ABLIM2: variants seen among roughly 807,000 people sequenced by gnomAD.
ABLIM2 encodes actin binding LIM protein family member 2, also known as actin-binding LIM protein 2.
Under a neutral mutation model 97.7 loss-of-function variants are expected in ABLIM2, and 53 were observed. The observed-to-expected ratio is 0.54, with a 90% CI of 0.44 to 0.68. The LOEUF is 0.68. Among genes scored for constraint, ABLIM2 ranks in the 30% least tolerant of loss-of-function variants. The pLI is 0.00. For synonymous variants in ABLIM2, 361 were observed against 345.8 expected, an observed-to-expected ratio of 1.04 and a Z score of -0.49; for missense variants, 835 against 867.2, an observed-to-expected ratio of 0.96 and a Z score of 0.47.
intron 16 of ABLIM2, among the ~76,000 whole-genome samples, chr4:8,006,024 T>C (rs574345377): frequency 1.3e-5 from 2 of 152,324 alleles, no homozygotes; most frequent in Non-Finnish European, 2.9e-5. Flanking sequence ...GGGGTGGGGC[T>C]GGCACACATG....
chr4:8,126,928 C>A (rs1332923479), intron 1 of ABLIM2, among the ~76,000 whole-genome samples: 1 of 152,040 alleles, frequency 6.6e-6, no homozygotes, highest in Non-Finnish European at 1.5e-5. Context: ...TTAGCCAGGT[C>A]TGGTGGCGTG....
rs1726703558 is a variant in ABLIM2 at position 7,970,238 on chromosome 4, AG to A, written c.1825-3136del. The stretch of plus-strand genomic sequence containing the variant: ...TAAAGGAGGGGAGGCTGACACCGGA[AG>A]GGCGAGGAGAGTTCAGTGCTGGTGC... On this transcript the variant is annotated intron_variant, in intron 20 of 20. Coordinates refer to ENST00000447017, the MANE Select transcript of ABLIM2 (RefSeq NM_001130083.2). The surrounding 1 kb of genome is among the most constrained non-coding windows in gnomAD (Gnocchi z 5.3). 6.6e-6 allele frequency among the ~76,000 whole-genome samples: 1 copy of A among 152,082 alleles called. No homozygotes were observed. The highest frequency in any genetic ancestry group is 6.6e-5 in the Admixed American group (1 of 15,260).
rs927463816 is a variant in ABLIM2, at chr4:7,970,508, C to T, written c.1825-3405G>A. On this transcript the variant is annotated intron_variant, in intron 20 of 20. Transcript: ENST00000447017. The surrounding 1 kb of genome is among the most constrained non-coding windows in gnomAD (Gnocchi z 5.3). Reference sequence around the variant, plus strand: ...GAGCGGATGGTGGGCAGGCGTGCCCCGCATGCTGGGGAAGGAGAGAAGGGC... The same window carrying T: ...GAGCGGATGGTGGGCAGGCGTGCCCTGCATGCTGGGGAAGGAGAGAAGGGC... Among the ~76,000 whole-genome samples, 6 of 151,692 alleles carry T rather than the reference C, an allele frequency of 4.0e-5. No homozygotes were observed. The highest frequency in any genetic ancestry group is 7.4e-5 in the Non-Finnish European group (5 of 67,846).
At chr4:8,086,217 A>T (rs1823491311) in intron 4 of ABLIM2, among the ~76,000 whole-genome samples, 1 of 150,908 alleles carries the variant, frequency 6.6e-6, no homozygotes, top group Non-Finnish European at 1.5e-5. Context: ...TGCAAATTTG[A>T]TATTTCAAAA....
At chr4:8,133,890 C>G (rs1364145128) in intron 1 of ABLIM2, among the ~76,000 whole-genome samples, 1 of 152,182 alleles carries the variant, frequency 6.6e-6, no homozygotes, top group East Asian at 1.9e-4. Flanking sequence ...GCCACTAACA[C>G]CAGTGCATTC....
chr4:8,152,303 C>T (rs1181213053), intron 1 of ABLIM2, among the ~76,000 whole-genome samples: 1 of 152,194 alleles, frequency 6.6e-6, no homozygotes, highest in Non-Finnish European at 1.5e-5. Context: ...CACTGGGGTT[C>T]AAATCCCAGC....
At chr4:8,074,567 T>C (rs1022873203) in intron 6 of ABLIM2, among the ~76,000 whole-genome samples, 7 of 152,238 alleles carry the variant, frequency 4.6e-5, no homozygotes, top group African/African-American at 1.2e-4. Context: ...ATAATCTTTC[T>C]AGAAAGCAAT....
chr4:8,135,126 G>A (rs917438892), intron 1 of ABLIM2, among the ~76,000 whole-genome samples: 4 of 152,156 alleles, frequency 2.6e-5, no homozygotes, highest in Non-Finnish European at 2.9e-5. Context: ...AAGTGTGTCC[G>A]TGGCACAAAA....
intron 3 of ABLIM2, among the ~76,000 whole-genome samples, chr4:8,090,686 C>T (rs1308039295): frequency 2.0e-5 from 3 of 152,138 alleles, no homozygotes; most frequent in Non-Finnish European, 4.4e-5. Context: ...TTGTCACTGT[C>T]ACCGTGCATT....
In ABLIM2 at chr4:8,122,148, C is replaced by A. The variant is rs2152879195; in HGVS notation, c.11-15511G>T. On this transcript the variant is annotated intron_variant, in intron 1 of 20. Coordinates refer to ENST00000447017, the MANE Select transcript of ABLIM2 (RefSeq NM_001130083.2). This position sits in a 1 kb window ranked among gnomAD's most constrained non-coding sequence, Gnocchi z 4.1. ...ACACCTCAGCTGCAACCCACTCCTC[C>A]CCAGGCCTTTGAAGATGGGGCCACA... is the stretch of plus-strand genomic sequence containing the variant. Among the ~76,000 whole-genome samples, 1 of 152,326 alleles carries A rather than the reference C, an allele frequency of 6.6e-6. No homozygotes were observed. Among genetic ancestry groups the A allele is most frequent in the Admixed American group, 6.5e-5 (1 of 15,296 alleles).
Position 8,068,930 on chromosome 4 carries a change from CT to C in ABLIM2, c.676-7877del, listed in dbSNP as rs1273912856. Among the ~76,000 whole-genome samples, 6 of 152,270 alleles carry C rather than the reference CT, an allele frequency of 3.9e-5. No individual in the cohort carries two copies. Among genetic ancestry groups the C allele is most frequent in the Non-Finnish European group, 2.9e-5 (2 of 68,044 alleles). ...TGAAAGCTGTGAGCAGGGGATCCCC[CT>C]GGGGGTGTTTGGCGGCCAGGACAGA... On this transcript the variant is annotated intron_variant, in intron 6 of 20. Coordinates refer to ENST00000447017, the MANE Select transcript of ABLIM2 (RefSeq NM_001130083.2). The surrounding 1 kb of genome is among the most constrained non-coding windows in gnomAD (Gnocchi z 4.5).
At chr4:8,109,098 G>A (rs915806534) in intron 1 of ABLIM2, among the ~76,000 whole-genome samples, 4 of 152,230 alleles carry the variant, frequency 2.6e-5, no homozygotes, top group South Asian at 2.1e-4. Context: ...AAGGGAGGCC[G>A]CGGCACTGGC....
chr4:8,071,693 A>ACCCC lies in ABLIM2; in HGVS notation c.675+5934_675+5935insGGGG. Reference sequence around the variant, plus strand: ...ACACCTGACTGCTCTGTCCCCAAAAACCCACCCACCCGCAGCCCCTCCTGG... The same window carrying ACCCC: ...ACACCTGACTGCTCTGTCCCCAAAAACCCCCCCACCCACCCGCAGCCCCTCCTGG... On this transcript the variant is annotated intron_variant, in intron 6 of 20. Coordinates refer to ENST00000447017, the MANE Select transcript of ABLIM2 (RefSeq NM_001130083.2). This position sits in a 1 kb window ranked among gnomAD's most constrained non-coding sequence, Gnocchi z 6.2. 1.2e-6 allele frequency: 1 copy of ACCCC among 819,832 alleles called. No homozygotes were observed. The highest frequency in any genetic ancestry group is 1.5e-6 in the Non-Finnish European group (1 of 679,294). 50.8% of individuals were successfully genotyped at this position (819,832 alleles called of 1,614,324 possible).
At chr4:8,129,062 C>T (rs1219248456) in intron 1 of ABLIM2, among the ~76,000 whole-genome samples, 1 of 152,060 alleles carries the variant, frequency 6.6e-6, no homozygotes, top group Non-Finnish European at 1.5e-5. Context: ...GCCAGCACCC[C>T]CATAGGTTGT....
intron 1 of ABLIM2, among the ~76,000 whole-genome samples, chr4:8,143,419 C>T (rs1254896083): frequency 1.3e-5 from 2 of 152,174 alleles, no homozygotes; most frequent in South Asian, 2.1e-4. Context: ...ACTGTGGAGC[C>T]CTGCACCCTG....
In ABLIM2 at chr4:8,044,088, T is replaced by C. The variant is rs1790541553; in HGVS notation, c.900+1076A>G. Among the ~76,000 whole-genome samples the C allele has an allele frequency of 6.6e-6, 1 of 152,162 alleles. No homozygotes were observed. The highest frequency in any genetic ancestry group is 1.5e-5 in the Non-Finnish European group (1 of 68,012). ...GATTAAGGTCAGGAAGGACCCTGTG[T>C]CCAACCACTATGAGAGAGGAGGGTC... On this transcript the variant is annotated intron_variant, in intron 9 of 20. Transcript: ENST00000447017. The surrounding 1 kb of genome is among the most constrained non-coding windows in gnomAD (Gnocchi z 4.4).
At position 8,127,008 on chromosome 4, in the gene ABLIM2, G is replaced by A. The variant is rs917559294; in HGVS notation, c.11-20371C>T. 6.6e-6 allele frequency among the ~76,000 whole-genome samples: 1 copy of A among 151,308 alleles called. No homozygotes were observed. The highest frequency in any genetic ancestry group is 6.6e-5 in the Admixed American group (1 of 15,192). ...TTGAGCTCAGGAGGTTGAGGCTGCA[G>A]TAAGCCATGTTCATGCCACTGCACT... is the stretch of plus-strand genomic sequence containing the variant. On this transcript the variant is annotated intron_variant, in intron 1 of 20. Coordinates refer to ENST00000447017, the MANE Select transcript of ABLIM2 (RefSeq NM_001130083.2). This position sits in a 1 kb window ranked among gnomAD's most constrained non-coding sequence, Gnocchi z 7.3.
chr4:8,042,527 C>T (rs1789371170), intron 9 of ABLIM2, among the ~76,000 whole-genome samples: 1 of 152,158 alleles, frequency 6.6e-6, no homozygotes, highest in Non-Finnish European at 1.5e-5. Flanking sequence ...TACATGGCCA[C>T]CCAGTTATCA....
In ABLIM2 at chr4:8,097,261, T is replaced by A. The variant is rs1421726729; in HGVS notation, c.176A>T (p.Glu59Val). The change falls in exon 3 of 21, where the codon GAG (glutamate) becomes GTG (valine). Residue 59 changes from glutamate (E) to valine (V), a missense_variant. Transcript: ENST00000447017. Reference sequence around the variant, plus strand: ...GCCCTGCCGCACGAAGAAGCCGCCCTCGGCCAGGTCGCAGCCACATGCTGG... The same window carrying A: ...GCCCTGCCGCACGAAGAAGCCGCCCACGGCCAGGTCGCAGCCACATGCTGG... ...VCKACGCDLA[E>V]GGFFVRQGEY... 6.4e-7 allele frequency: 1 copy of A among 1,564,656 alleles called. No homozygotes were observed. The highest frequency in any genetic ancestry group is 1.4e-5 in the African/African-American group (1 of 73,624).
Sources: gnomAD v4.1 joint callset for allele counts (sites outside exome capture counted in the v4.1 genomes callset) on GRCh38, gnomAD v4.1.1 for gene constraint, Gnocchi (gnomAD v3.1) non-coding constraint, MANE v1.5 for transcripts, NCBI Gene and HGNC (gene_info 2026-07-23, HGNC 2026-07-21) for gene names.